PRICKLE2: variants seen among roughly 807,000 people sequenced by gnomAD.
PRICKLE2 encodes prickle planar cell polarity protein 2.
Under a neutral mutation model 81.4 loss-of-function variants are expected in PRICKLE2, and 21 were observed. That is an observed-to-expected ratio of 0.26 (90% CI 0.18 to 0.37). The LOEUF is 0.37. PRICKLE2 is among the 10% of genes least tolerant of loss of function. PRICKLE2 has a pLI of 1.00. For synonymous variants in PRICKLE2, 456 were observed against 421.5 expected (o/e 1.08, Z -1.00); for missense variants, 940 against 1,109.0 (o/e 0.85, Z 2.16).
intron 2 of PRICKLE2, 60 bp from the exon 3 acceptor site, chr3:64,163,189 A>C: frequency 1.0e-6 from 1 of 987,774 alleles, no homozygotes; most frequent in East Asian, 2.4e-5. Context: ...GCCTATTCCC[A>C]CTTACTGGGA....
intron 3 of PRICKLE2, among the ~76,000 whole-genome samples, chr3:64,161,780 G>A (rs1383346209): frequency 6.7e-6 from 1 of 149,236 alleles, no homozygotes; most frequent in Non-Finnish European, 1.5e-5. Context: ...GACCTGAACA[G>A]CCCAGAATAT....
intron 7 of PRICKLE2, among the ~76,000 whole-genome samples, chr3:64,123,930 G>A (rs745794510): frequency 1.3e-5 from 2 of 152,072 alleles, no homozygotes; most frequent in African/African-American, 2.4e-5. Flanking sequence ...AGGAAGAGTC[G>A]TGCACCTCTC....
At chr3:64,195,181 A>G (rs904330349) in intron 2 of PRICKLE2, among the ~76,000 whole-genome samples, 4 of 152,234 alleles carry the variant, frequency 2.6e-5, no homozygotes, top group African/African-American at 9.6e-5. Context: ...TTCTCTGATC[A>G]GTTTTCAGTT....
chr3:64,237,530 T>C (rs2107167472), intron 2 of PRICKLE2, among the ~76,000 whole-genome samples: 1 of 152,230 alleles, frequency 6.6e-6, no homozygotes, highest in East Asian at 1.9e-4. Flanking sequence ...CTTCTCTCCT[T>C]TCCTGCCACT....
At chr3:64,266,644 G>C (rs1230745993) in intron 2 of PRICKLE2, among the ~76,000 whole-genome samples, 2 of 152,162 alleles carry the variant, frequency 1.3e-5, no homozygotes, top group Non-Finnish European at 2.9e-5. Flanking sequence ...GATTTGAAAA[G>C]GAAAGGCCCA....
intron 7 of PRICKLE2, among the ~76,000 whole-genome samples, chr3:64,135,716 ACACACACG>A (rs2077267889): frequency 6.8e-6 from 1 of 146,564 alleles, no homozygotes; most frequent in African/African-American, 2.7e-5. Context: ...ACACACACAC[ACACACACG>A]CACACACACC....
intron 2 of PRICKLE2, among the ~76,000 whole-genome samples, chr3:64,175,832 CA>C (rs2078013332): frequency 6.6e-6 from 1 of 152,060 alleles, no homozygotes; most frequent in Non-Finnish European, 1.5e-5. Flanking sequence ...ACATAATTGT[CA>C]GATTAGTTTT....
chr3:64,156,139 G>A (rs1349718511), intron 5 of PRICKLE2, among the ~76,000 whole-genome samples: 3 of 152,292 alleles, frequency 2.0e-5, no homozygotes, highest in Non-Finnish European at 4.4e-5. Context: ...AGGCATGAAG[G>A]TCAAAAGGTG....
chr3:64,232,636 T>A (rs1267649545), intron 2 of PRICKLE2, among the ~76,000 whole-genome samples: 3 of 148,278 alleles, frequency 2.0e-5, no homozygotes, highest in Non-Finnish European at 4.5e-5. Context: ...CTCCTGTATA[T>A]CTACATTTGC....
At chr3:64,143,512 TGCCCTTTCCAGCATTCCTCAACCTCTA>T (rs1218205078) in intron 7 of PRICKLE2, among the ~76,000 whole-genome samples, 1 of 152,194 alleles carries the variant, frequency 6.6e-6, no homozygotes, top group Non-Finnish European at 1.5e-5. Context: ...CTTCCTCACT[TGCCCTTTCCAGCATTCCTCAACCTCTA>T]GCCCTTCTGA....
At chr3:64,135,465 T>C (rs1287280978) in intron 7 of PRICKLE2, among the ~76,000 whole-genome samples, 1 of 152,126 alleles carries the variant, frequency 6.6e-6, no homozygotes, top group East Asian at 1.9e-4. Flanking sequence ...GAATTCTGGA[T>C]GACATTTTTA....
At chr3:64,105,217 C>T (rs571563801) in intron 7 of PRICKLE2, among the ~76,000 whole-genome samples, 1 of 152,234 alleles carries the variant, frequency 6.6e-6, no homozygotes, top group East Asian at 1.9e-4. Context: ...CTGAACACTC[C>T]TTCTAAAGTA....
chr3:64,266,289 G>A (rs1383879912), intron 2 of PRICKLE2, among the ~76,000 whole-genome samples: 2 of 151,976 alleles, frequency 1.3e-5, no homozygotes, highest in Admixed American at 1.3e-4. Flanking sequence ...TTGAAAAGCA[G>A]CCACAATTTG....
intron 2 of PRICKLE2, among the ~76,000 whole-genome samples, chr3:64,254,103 T>C (rs2079490458): frequency 6.6e-6 from 1 of 152,082 alleles, no homozygotes; most frequent in African/African-American, 2.4e-5. Context: ...TTCTCCAGAG[T>C]GTTCTAATGT....
intron 1 of PRICKLE2, among the ~76,000 whole-genome samples, chr3:64,211,836 T>A (rs546297878): frequency 6.6e-6 from 1 of 152,264 alleles, no homozygotes; most frequent in East Asian, 1.9e-4. Context: ...CAAAGGTTAC[T>A]GAGTAGGAGA....
chr3:64,143,956 T>C (rs1287682353), intron 7 of PRICKLE2, among the ~76,000 whole-genome samples: 1 of 151,836 alleles, frequency 6.6e-6, no homozygotes, highest in Non-Finnish European at 1.5e-5. Context: ...CCTCATTTTT[T>C]TTTTTTTTTT....
intron 1 of PRICKLE2, 41 bp from the exon 2 acceptor site, chr3:64,199,008 C>T (rs1559573216): frequency 1.9e-6 from 3 of 1,585,002 alleles, no homozygotes; most frequent in Non-Finnish European, 2.6e-6. Context: ...GAGGAAAAAA[C>T]CTTTTTTTTT....
chr3:64,258,842 AAAAAAAGAAAGAAAGAAAGAAAG>A (rs2079568827), intron 2 of PRICKLE2, among the ~76,000 whole-genome samples: 2 of 71,866 alleles, frequency 2.8e-5, no homozygotes, highest in Admixed American at 1.7e-4. Flanking sequence ...AAAAAAAAAA[AAAAAAAGAAAGAAAGAAAGAAAG>A]AAAGAAAGAA....
At chr3:64,171,590 G>A (rs1575616205) in intron 2 of PRICKLE2, among the ~76,000 whole-genome samples, 2 of 152,300 alleles carry the variant, frequency 1.3e-5, no homozygotes, top group South Asian at 2.1e-4. Context: ...CCCAGAAGAG[G>A]GTCTGGCATG....
Sources: gnomAD v4.1 joint callset for allele counts (sites outside exome capture counted in the v4.1 genomes callset) on GRCh38, gnomAD v4.1.1 for gene constraint, MANE v1.5 for transcripts, NCBI Gene and HGNC (gene_info 2026-07-23, HGNC 2026-07-21) for gene names.